MYO10: variants seen among roughly 807,000 people sequenced by gnomAD.
The protein encoded by MYO10 is myosin X.
A neutral mutation model predicts 257.3 loss-of-function variants in MYO10; 133 were observed. That is an observed-to-expected ratio of 0.52 (90% confidence interval 0.45 to 0.60). The LOEUF (loss-of-function observed/expected upper bound fraction) is 0.60. Among genes scored for constraint, MYO10 ranks in the 20% least tolerant of loss-of-function variants. MYO10 has a pLI of 0.00. For missense variants in MYO10, 2,399 were observed against 2,635.7 expected (o/e 0.91, Z 1.97); for synonymous variants, 1,104 against 1,028.6 (o/e 1.07, Z -1.40).
At chr5:16,689,967 T>C (rs749942858) in intron 27 of MYO10, 48 bp from the exon 28 acceptor site, 1 of 1,371,442 alleles carries the variant, frequency 7.3e-7, no homozygotes, top group Non-Finnish European at 1.0e-6. Context: ...CACCAAATTC[T>C]GAATAACTGA....
At position 16,935,970 on chromosome 5, in the gene MYO10, A is replaced by C; in HGVS notation, c.-162T>G. The C allele has an allele frequency of 1.2e-6, 1 of 823,170 alleles. No homozygotes were observed. The highest frequency in any genetic ancestry group is 1.9e-6 in the Non-Finnish European group (1 of 519,024). 51.0% of individuals were successfully genotyped at this position (823,170 alleles called of 1,614,324 possible). A position where few individuals can be genotyped will look rare whatever the true frequency, so the allele number is the denominator to read the frequency against. On this transcript the variant is annotated 5_prime_UTR_variant, in exon 1 of 41. Transcript: ENST00000513610. ...CGCCCGGTCCCTTCTTGTCCTTCTC[A>C]CCTTTTGTTCGCCCAAACCCAAGTC...
chr5:16,746,661 C>T (rs1477422527), intron 19 of MYO10, among the ~76,000 whole-genome samples: 1 of 152,142 alleles, frequency 6.6e-6, no homozygotes, highest in Non-Finnish European at 1.5e-5. Context: ...TGCAAAAAGG[C>T]CTGGAAACAG....
At chr5:16,786,415 A>C (rs1327949533) in intron 4 of MYO10, among the ~76,000 whole-genome samples, 2 of 152,138 alleles carry the variant, frequency 1.3e-5, no homozygotes, top group African/African-American at 4.8e-5. Context: ...CAGGTGGAAG[A>C]TCTCCTATCT....
chr5:16,778,829 T>C (rs1162783606), intron 9 of MYO10, among the ~76,000 whole-genome samples: 1 of 151,792 alleles, frequency 6.6e-6, no homozygotes, highest in Non-Finnish European at 1.5e-5. Context: ...TAGCTGGGAC[T>C]ATAGGCGCCC....
intron 1 of MYO10, among the ~76,000 whole-genome samples, chr5:16,920,559 GA>G (rs34123197): frequency 6.6e-6 from 1 of 152,200 alleles, no homozygotes; most frequent in African/African-American, 2.4e-5. Context: ...GACTGTCATG[GA>G]ACAGTTCTAT....
In MYO10 at chr5:16,824,643, C is replaced by T. The variant is rs140968418; in HGVS notation, c.121-6476G>A. Among the ~76,000 whole-genome samples, 56 of 152,182 alleles carry T rather than the reference C, an allele frequency of 3.7e-4. 1 individual carries two copies. Among genetic ancestry groups the T allele is most frequent in the African/African-American group, 1.2e-3 (51 of 41,524 alleles). ...CAGCACTTTGGGAGGTCAAGGCAGG[C>T]GAATCACGAGGTCAAGAGATTGAGA... On this transcript the variant is annotated intron_variant, in intron 2 of 40. Transcript: ENST00000513610.
At chr5:16,877,071 C>T (rs907479897) in intron 2 of MYO10, among the ~76,000 whole-genome samples, 17 of 152,100 alleles carry the variant, frequency 1.1e-4, no homozygotes, top group African/African-American at 4.1e-4. Flanking sequence ...GAGCAGAGGC[C>T]TCACAAGACA....
chr5:16,766,499 G>A (rs1579966651), intron 10 of MYO10, among the ~76,000 whole-genome samples: 1 of 151,782 alleles, frequency 6.6e-6, no homozygotes. Flanking sequence ...CAATGATCTC[G>A]GTTCACTGCA....
intron 3 of MYO10, chr5:16,815,483 A>G (rs1457088600): frequency 7.2e-6 from 5 of 694,424 alleles, no homozygotes; most frequent in African/African-American, 3.5e-5. Flanking sequence ...ACATACACCA[A>G]TAAAAAATTT....
chr5:16,879,744 G>A (rs1744705530), intron 1 of MYO10, among the ~76,000 whole-genome samples: 1 of 152,128 alleles, frequency 6.6e-6, no homozygotes, highest in Non-Finnish European at 1.5e-5. Flanking sequence ...TAACAACACA[G>A]AGTCACCTTA....
rs568334891 is a variant in MYO10, at chr5:16,690,047, G to A, written c.3801-128C>T. Reference sequence around the variant, plus strand: ...GTTACTGACGAAACGGTACACAGTTGGCTCTCCATATCTGCGAGTTCAGGA... The same window carrying A: ...GTTACTGACGAAACGGTACACAGTTAGCTCTCCATATCTGCGAGTTCAGGA... On this transcript the variant is annotated intron_variant, in intron 27 of 40. Coordinates refer to ENST00000513610, the MANE Select transcript of MYO10 (RefSeq NM_012334.3). The A allele has an allele frequency of 4.1e-5, 28 of 684,354 alleles. No homozygotes were observed. The African/African-American group carries it at 4.7e-4, about 12-fold the overall frequency. 42.4% of individuals were successfully genotyped at this position (684,354 alleles called of 1,614,324 possible). A position where few individuals can be genotyped will look rare whatever the true frequency, so the allele number is the denominator to read the frequency against.
intron 19 of MYO10, among the ~76,000 whole-genome samples, chr5:16,718,275 G>A (rs987334016): frequency 2.6e-5 from 4 of 152,330 alleles, no homozygotes; most frequent in Admixed American, 1.3e-4. Flanking sequence ...CCTCCCTGAC[G>A]AGCACCGCCC....
chr5:16,755,160 T>TTTTA lies in MYO10; in HGVS notation c.1849-256_1849-253dup, dbSNP rs576895331. 8.6e-3 allele frequency among the ~76,000 whole-genome samples: 1,303 copies of TTTTA among 152,176 alleles called. 10 individuals are homozygous for TTTTA. Among genetic ancestry groups the TTTTA allele is most frequent in the Middle Eastern group, 0.02 (6 of 294 alleles). On this transcript the variant is annotated intron_variant, in intron 18 of 40. Coordinates refer to ENST00000513610, the MANE Select transcript of MYO10 (RefSeq NM_012334.3). ...CTTCCTTTGAAATAGTAAAATTCTA[T>TTTTA]TTTATTTATTTATTTATTTATTTGA...
At chr5:16,908,168 T>C (rs979138206) in intron 1 of MYO10, among the ~76,000 whole-genome samples, 10 of 151,308 alleles carry the variant, frequency 6.6e-5, no homozygotes, top group African/African-American at 2.4e-4. Flanking sequence ...GAGACAAAGG[T>C]TGCAGTGAGC....
At chr5:16,732,092 C>T (rs1022389795) in intron 19 of MYO10, among the ~76,000 whole-genome samples, 3 of 152,072 alleles carry the variant, frequency 2.0e-5, no homozygotes, top group Non-Finnish European at 2.9e-5. Context: ...TGAAGGGGAA[C>T]ATTTCATATT....
intron 19 of MYO10, among the ~76,000 whole-genome samples, chr5:16,735,671 C>T (rs749185040): frequency 2.1e-5 from 3 of 145,144 alleles, no homozygotes; most frequent in South Asian, 2.2e-4. Context: ...CTAGCCTAGG[C>T]GACAGAGCCT....
intron 2 of MYO10, among the ~76,000 whole-genome samples, chr5:16,850,511 C>T (rs1002385285): frequency 6.6e-6 from 1 of 152,000 alleles, no homozygotes; most frequent in African/African-American, 2.4e-5. Context: ...CTTCTGACCT[C>T]GTGATCCAGC....
Position 16,780,720 on chromosome 5 carries a change from T to C in MYO10, c.741+8A>G. On this transcript the variant is annotated splice_region_variant and intron_variant, in intron 7 of 40. Coordinates refer to ENST00000513610, the MANE Select transcript of MYO10 (RefSeq NM_012334.3). ...GAAGAAAATGTGGATTAAATCACGT[T>C]TACTTACTTTTTCTAATAAATCTTC... is the stretch of plus-strand genomic sequence containing the variant. 1 of 1,571,994 alleles carries C rather than the reference T, an allele frequency of 6.4e-7. No homozygotes were observed. The highest frequency in any genetic ancestry group is 8.6e-7 in the Non-Finnish European group (1 of 1,156,362).
At chr5:16,867,541 A>C (rs565780330) in intron 2 of MYO10, among the ~76,000 whole-genome samples, 1 of 152,268 alleles carries the variant, frequency 6.6e-6, no homozygotes, top group South Asian at 2.1e-4. Flanking sequence ...AACAACCAAA[A>C]ATGCAATGAG....
Sources: gnomAD v4.1 joint callset for allele counts (sites outside exome capture counted in the v4.1 genomes callset) on GRCh38, gnomAD v4.1.1 for gene constraint, MANE v1.5 for transcripts, NCBI Gene and HGNC (gene_info 2026-07-23, HGNC 2026-07-21) for gene names.